Variants in NUP98 observed in about 807,000 individuals in gnomAD.
NUP98 encodes nucleoporin 98 and 96 precursor, also known as nuclear pore complex protein Nup98-Nup96.
A neutral mutation model predicts 191.9 loss-of-function variants in NUP98; 26 were observed. The ratio of observed to expected loss-of-function variants is 0.14; its 90% confidence interval spans 0.10 to 0.19. The LOEUF is 0.19. Ranked by LOEUF, NUP98 falls within the 10% of genes least tolerant of loss-of-function variation. The probability of loss-of-function intolerance (pLI) is 1.00; values close to 1 mark genes in which losing one functional copy is unlikely to be tolerated. For synonymous variants in NUP98, 808 were observed against 778.4 expected, an observed-to-expected ratio of 1.04 and a Z score of -0.63; for missense variants, 1,941 against 2,178.8, an observed-to-expected ratio of 0.89 and a Z score of 2.17.
intron 4 of NUP98, 80 bp from the exon 5 acceptor site, chr11:3,776,101 C>A: frequency 2.0e-6 from 2 of 1,020,878 alleles, no homozygotes; most frequent in Non-Finnish European, 1.5e-6. Context: ...TGGGCTATGG[C>A]ACTAGCATCA....
At chr11:3,763,191 C>G in intron 8 of NUP98, 152 bp from the exon 9 acceptor site, 1 of 722,300 alleles carries the variant, frequency 1.4e-6, no homozygotes, top group East Asian at 2.8e-5. Context: ...CAAAACAACC[C>G]TGAAAAGCAG....
intron 20 of NUP98, among the ~76,000 whole-genome samples, chr11:3,709,561 C>T (rs1009813774): frequency 1.3e-5 from 2 of 151,470 alleles, no homozygotes; most frequent in Non-Finnish European, 2.9e-5. Context: ...AATAAATTAG[C>T]TGGCATGATG....
chr11:3,754,406 G>C (rs941689789), intron 10 of NUP98, among the ~76,000 whole-genome samples: 2 of 152,112 alleles, frequency 1.3e-5, no homozygotes, highest in South Asian at 2.1e-4. Context: ...AGCATGGATA[G>C]AGTGAGACTC....
intron 31 of NUP98, among the ~76,000 whole-genome samples, chr11:3,677,089 A>C (rs2077838762): frequency 6.6e-6 from 1 of 152,214 alleles, no homozygotes. Context: ...GCTCTCATGA[A>C]ACTGATAGAA....
rs755864473 is a variant in NUP98, at chr11:3,706,604, C to T, written c.2766G>A (p.Gln922=). 36 of 1,613,956 alleles carry T rather than the reference C, an allele frequency of 2.2e-5. No homozygotes were observed. Among genetic ancestry groups the T allele is most frequent in the Non-Finnish European group, 3.0e-5 (35 of 1,180,012 alleles). The stretch of plus-strand genomic sequence containing the variant: ...TGTCCAGTTCCACAACCCTCCCTAA[C>T]TGCTCCACCTCTGGGCTCTGGCTCT... ...PPQSQSPEVE[Q]LGRVVELDSD... Residue 922 remains glutamine (Q), a synonymous_variant, in exon 21 of 33, where the codon CAG becomes CAA. Transcript: ENST00000324932.
chr11:3,781,429 G>C (rs1415729515), intron 2 of NUP98: 2 of 149,058 alleles, frequency 1.3e-5, no homozygotes, highest in East Asian at 3.9e-4. Flanking sequence ...TGTCTAGCAG[G>C]GTTTCTGGTT....
At chr11:3,732,324 T>G (rs1338978287) in intron 13 of NUP98, among the ~76,000 whole-genome samples, 1 of 152,248 alleles carries the variant, frequency 6.6e-6, no homozygotes, top group Non-Finnish European at 1.5e-5. Flanking sequence ...TTAATATATC[T>G]TGTCCATTCT....
chr11:3,763,627 G>A (rs1049201325), intron 8 of NUP98, among the ~76,000 whole-genome samples: 8 of 152,036 alleles, frequency 5.3e-5, no homozygotes, highest in Admixed American at 3.9e-4. Flanking sequence ...GCACAATCTC[G>A]GCTCACTGCA....
chr11:3,790,636 A>C (rs1464177898), intron 1 of NUP98, among the ~76,000 whole-genome samples: 1 of 152,220 alleles, frequency 6.6e-6, no homozygotes, highest in African/African-American at 2.4e-5. Context: ...AATGGTGCTG[A>C]ACTAACACTC....
chr11:3,703,357 A>C (rs1379208370), intron 22 of NUP98, among the ~76,000 whole-genome samples: 1 of 151,840 alleles, frequency 6.6e-6, no homozygotes. Flanking sequence ...CTGGGATTAC[A>C]GGTGCCCGCC....
At chr11:3,684,160 C>T (rs1279692333) in intron 29 of NUP98, among the ~76,000 whole-genome samples, 9 of 152,010 alleles carry the variant, frequency 5.9e-5, no homozygotes, top group South Asian at 2.1e-4. Context: ...TGCAGTGAGC[C>T]GAGATCACGC....
chr11:3,762,372 T>G (rs1334431958), intron 9 of NUP98, among the ~76,000 whole-genome samples: 1 of 151,462 alleles, frequency 6.6e-6, no homozygotes, highest in Non-Finnish European at 1.5e-5. Flanking sequence ...TCCACCCACC[T>G]CGGCCTCCCA....
At chr11:3,687,244 T>C (rs912151427) in intron 28 of NUP98, among the ~76,000 whole-genome samples, 1 of 152,200 alleles carries the variant, frequency 6.6e-6, no homozygotes, top group Non-Finnish European at 1.5e-5. Context: ...TGTTTTCTTA[T>C]TACTGAATTT....
intron 1 of NUP98, among the ~76,000 whole-genome samples, chr11:3,795,434 A>T (rs1264554311): frequency 6.6e-6 from 1 of 152,204 alleles, no homozygotes; most frequent in African/African-American, 2.4e-5. Flanking sequence ...TGATGGAGTG[A>T]GACCCTATCT....
intron 20 of NUP98, chr11:3,711,983 G>GT (rs973971889): frequency 2.8e-5 from 29 of 1,046,178 alleles, no homozygotes; most frequent in Non-Finnish European, 3.3e-5. Context: ...AATGATACAA[G>GT]TAATTGCGAT....
At position 3,797,509 on chromosome 11, in the gene NUP98, G is replaced by C; in HGVS notation, c.-138C>G. On this transcript the variant is annotated 5_prime_UTR_variant, in exon 1 of 33. Transcript: ENST00000324932. The stretch of plus-strand genomic sequence containing the variant: ...CGTCGCCGCCGCCGCTACCACCCCT[G>C]CCACCGACCGCCGCTTCGGGCGCAG... 2.2e-6 allele frequency: 1 copy of C among 444,590 alleles called. No homozygotes were observed. The highest frequency in any genetic ancestry group is 3.9e-6 in the Non-Finnish European group (1 of 253,208). 27.5% of individuals were successfully genotyped at this position (444,590 alleles called of 1,614,324 possible).
At chr11:3,698,337 A>G (rs1218914422) in intron 25 of NUP98, among the ~76,000 whole-genome samples, 1 of 152,196 alleles carries the variant, frequency 6.6e-6, no homozygotes, top group African/African-American at 2.4e-5. Context: ...ATTTTGATTG[A>G]TAGCTTATCT....
At chr11:3,762,602 A>C (rs1275043051) in intron 9 of NUP98, among the ~76,000 whole-genome samples, 1 of 152,364 alleles carries the variant, frequency 6.6e-6, no homozygotes, top group Non-Finnish European at 1.5e-5. Flanking sequence ...CAAATAAAGC[A>C]AAAGAATTTC....
intron 22 of NUP98, 145 bp downstream of exon 22, chr11:3,705,055 T>C (rs1407366520): frequency 4.0e-6 from 3 of 748,198 alleles, no homozygotes; most frequent in Non-Finnish European, 6.5e-6. Context: ...ATAAGTACAA[T>C]TTCTCTTAGC....
Sources: allele counts gnomAD v4.1 joint callset (sites outside exome capture counted in the v4.1 genomes callset), GRCh38; gene constraint gnomAD v4.1.1; transcripts MANE v1.5; gene names NCBI Gene and HGNC (gene_info 2026-07-23, HGNC 2026-07-21).